Variants in PGGT1B observed in about 807,000 individuals in gnomAD.
PGGT1B encodes geranylgeranyl transferase type-1 subunit beta.
Under a neutral mutation model 46.1 loss-of-function variants are expected in PGGT1B, and 30 were observed. The observed-to-expected ratio is 0.65, with a 90% CI of 0.49 to 0.88. PGGT1B has a LOEUF of 0.88. PGGT1B is among the 40% of genes least tolerant of loss of function. The pLI, the probability that PGGT1B is intolerant of heterozygous loss-of-function variation, is 0.00. For missense variants in PGGT1B, 376 were observed against 455.9 expected (o/e 0.82, Z 1.60); for synonymous variants, 170 against 160.0 (o/e 1.06, Z -0.47).
rs1295783735 is a variant in PGGT1B, at chr5:115,204,581, A to C, written c.*7821T>G. On this transcript the variant is annotated 3_prime_UTR_variant, in exon 9 of 9. Transcript: ENST00000419445. ...ACCCACCTAGAATGAAAAAACTTTA[A>C]GCTTGATAAAATCCGGTGTCACAAA... is the stretch of plus-strand genomic sequence containing the variant. 4 of 152,150 alleles carry C rather than the reference A, an allele frequency of 2.6e-5. No homozygotes were observed. The highest frequency in any genetic ancestry group is 5.9e-5 in the Non-Finnish European group (4 of 68,010). 9.4% of individuals were successfully genotyped at this position (152,150 alleles called of 1,614,324 possible).
intron 5 of PGGT1B, 74 bp downstream of exon 5, chr5:115,236,316 G>T: frequency 9.1e-7 from 1 of 1,101,012 alleles, no homozygotes; most frequent in Non-Finnish European, 1.3e-6. Flanking sequence ...GAAGAGATGA[G>T]ACATACACTA....
At chr5:115,252,863 C>CA (rs1748163107) in intron 2 of PGGT1B, 1 of 312,252 alleles carries the variant, frequency 3.2e-6, no homozygotes, top group Admixed American at 5.4e-5. Flanking sequence ...AAATAATCAA[C>CA]AAGTAGTCAT....
At chr5:115,242,986 T>C (rs921809981) in intron 2 of PGGT1B, among the ~76,000 whole-genome samples, 4 of 151,830 alleles carry the variant, frequency 2.6e-5, no homozygotes, top group African/African-American at 9.7e-5. Flanking sequence ...AAGATACTAA[T>C]GGTGATTATG....
At chr5:115,250,397 C>A (rs1748040636) in intron 2 of PGGT1B, among the ~76,000 whole-genome samples, 1 of 152,152 alleles carries the variant, frequency 6.6e-6, no homozygotes, top group Non-Finnish European at 1.5e-5. Flanking sequence ...AATAGTCTAA[C>A]AACTACTGAT....
chr5:115,224,380 AAC>A (rs1221003443), intron 6 of PGGT1B, among the ~76,000 whole-genome samples: 1 of 152,188 alleles, frequency 6.6e-6, no homozygotes, highest in Non-Finnish European at 1.5e-5. Context: ...CTCAAAGAAA[AAC>A]ACTCTTTACT....
chr5:115,229,388 C>G (rs1756903567), intron 6 of PGGT1B, among the ~76,000 whole-genome samples: 1 of 152,084 alleles, frequency 6.6e-6, no homozygotes, highest in East Asian at 1.9e-4. Context: ...CTTTAGGCCT[C>G]AAACCTACCA....
At chr5:115,226,583 A>G (rs973625840) in intron 6 of PGGT1B, among the ~76,000 whole-genome samples, 5 of 152,088 alleles carry the variant, frequency 3.3e-5, no homozygotes, top group African/African-American at 1.2e-4. Flanking sequence ...GGAATGAGAA[A>G]GGCACACGAA....
rs771746796 is a variant in PGGT1B, at chr5:115,237,897, C to CA, written c.439dup (p.Cys147LeufsTer20). The CA allele has an allele frequency of 6.2e-7, 1 of 1,611,732 alleles. No homozygotes were observed. The highest frequency in any genetic ancestry group is 1.3e-5 in the African/African-American group (1 of 74,818). On this transcript the variant is annotated frameshift_variant, in exon 4 of 9. Transcript: ENST00000419445. LOFTEE classifies it high-confidence loss of function. ...CTGAAGGGCTCTCAAGCCCGCTAAG[C>CA]AAGCTTCTTTATTTACTCGGCTTAA...
intron 1 of PGGT1B, among the ~76,000 whole-genome samples, chr5:115,260,179 A>G (rs192208646): frequency 6.6e-6 from 1 of 152,342 alleles, no homozygotes; most frequent in East Asian, 1.9e-4. Flanking sequence ...TAGAAAAGTA[A>G]AAATTATTCC....
rs1442461205 is a variant in PGGT1B at position 115,206,820 on chromosome 5, G to T, written c.*5582C>A. ...AAATTCTGATAGCTTCTGCCATGGAGGATTTAGAGTATGTTTTAGTGTCGG... is the reference window on the plus strand; with the variant it reads ...AAATTCTGATAGCTTCTGCCATGGATGATTTAGAGTATGTTTTAGTGTCGG... On this transcript the variant is annotated 3_prime_UTR_variant, in exon 9 of 9. Transcript: ENST00000419445. The T allele has an allele frequency of 1.3e-5, 2 of 151,784 alleles. No homozygotes were observed. The highest frequency in any genetic ancestry group is 2.9e-5 in the Non-Finnish European group (2 of 67,860). The allele number at this position is 151,784 out of a possible 1,614,324, so 9.4% of individuals were successfully genotyped here.
intron 3 of PGGT1B, among the ~76,000 whole-genome samples, chr5:115,241,013 T>C (rs1273338781): frequency 6.6e-6 from 1 of 152,218 alleles, no homozygotes; most frequent in Non-Finnish European, 1.5e-5. Flanking sequence ...TCAAGGCCTT[T>C]GGATATAACC....
intron 8 of PGGT1B, among the ~76,000 whole-genome samples, chr5:115,213,590 G>A (rs944338612): frequency 6.6e-6 from 1 of 152,062 alleles, no homozygotes; most frequent in Non-Finnish European, 1.5e-5. Flanking sequence ...TGGGCAATAC[G>A]GTGAAGCTCC....
At chr5:115,251,475 C>G (rs1748092900) in intron 2 of PGGT1B, among the ~76,000 whole-genome samples, 1 of 151,986 alleles carries the variant, frequency 6.6e-6, no homozygotes, top group African/African-American at 2.4e-5. Flanking sequence ...TATTAAAGAA[C>G]AGACCAAAAA....
chr5:115,233,217 T>C (rs894613696), intron 5 of PGGT1B, among the ~76,000 whole-genome samples: 17 of 151,602 alleles, frequency 1.1e-4, no homozygotes, highest in African/African-American at 4.1e-4. Context: ...CACACTCAAA[T>C]ACATACCCTC....
At chr5:115,224,177 T>C (rs2126997737) in intron 6 of PGGT1B, among the ~76,000 whole-genome samples, 1 of 152,304 alleles carries the variant, frequency 6.6e-6, no homozygotes, top group South Asian at 2.1e-4. Flanking sequence ...CTTATTTCCT[T>C]TTCAAATGAC....
chr5:115,217,463 A>C (rs1421946351), intron 7 of PGGT1B, among the ~76,000 whole-genome samples: 1 of 152,126 alleles, frequency 6.6e-6, no homozygotes, highest in East Asian at 1.9e-4. Flanking sequence ...ATTAGGAAAG[A>C]AAAAGGTAAG....
At chr5:115,259,482 G>C (rs1748458537) in intron 1 of PGGT1B, among the ~76,000 whole-genome samples, 1 of 152,078 alleles carries the variant, frequency 6.6e-6, no homozygotes, top group African/African-American at 2.4e-5. Context: ...AAGGCCAAGA[G>C]ACCAAGACCA....
At chr5:115,220,324 T>C (rs1756549270) in intron 7 of PGGT1B, among the ~76,000 whole-genome samples, 1 of 151,884 alleles carries the variant, frequency 6.6e-6, no homozygotes. Context: ...CTGAAACCAT[T>C]ATGCTAAGTG....
At position 115,231,022 on chromosome 5, in the gene PGGT1B, C is replaced by A; in HGVS notation, c.613-1G>T. The A allele has an allele frequency of 1.3e-6, 2 of 1,521,846 alleles. No homozygotes were observed. Among genetic ancestry groups the A allele is most frequent in the Admixed American group, 2.0e-5 (1 of 49,902 alleles). 94.3% of individuals were successfully genotyped at this position (1,521,846 alleles called of 1,614,324 possible). A position where few individuals can be genotyped will look rare whatever the true frequency, so the allele number is the denominator to read the frequency against. ...CCTGTGCCAGTCCATTGTCATAGGACTGAAAAAGAAAAACATTGTTCAGTT... is the reference window on the plus strand; with the variant it reads ...CCTGTGCCAGTCCATTGTCATAGGAATGAAAAAGAAAAACATTGTTCAGTT... On this transcript the variant is annotated splice_acceptor_variant, in intron 5 of 8. Coordinates refer to ENST00000419445, the MANE Select transcript of PGGT1B (RefSeq NM_005023.4). LOFTEE classifies it high-confidence loss of function.
Sources: gnomAD v4.1 joint callset for allele counts (sites outside exome capture counted in the v4.1 genomes callset) on GRCh38, gnomAD v4.1.1 for gene constraint, MANE v1.5 for transcripts, NCBI Gene and HGNC (gene_info 2026-07-23, HGNC 2026-07-21) for gene names.